KCNJ6: variants seen among roughly 807,000 people sequenced by gnomAD.
KCNJ6 encodes the protein G protein-activated inward rectifier potassium channel 2.
Under a neutral mutation model 34.2 loss-of-function variants are expected in KCNJ6, and 9 were observed. The ratio of observed to expected loss-of-function variants is 0.26; its 90% CI spans 0.16 to 0.46. The LOEUF (loss-of-function observed/expected upper bound fraction) is 0.46. KCNJ6 is among the 20% of genes least tolerant of loss of function. The probability of loss-of-function intolerance (pLI) is 1.00; values close to 1 mark genes in which losing one functional copy is unlikely to be tolerated. For missense variants in KCNJ6, 236 were observed against 531.3 expected, an observed-to-expected ratio of 0.44 and a Z score of 5.46; for synonymous variants, 196 against 207.1, an observed-to-expected ratio of 0.95 and a Z score of 0.46.
At chr21:37,657,526 A>G (rs1318634158) in intron 3 of KCNJ6, among the ~76,000 whole-genome samples, 1 of 152,116 alleles carries the variant, frequency 6.6e-6, no homozygotes, top group Non-Finnish European at 1.5e-5. Context: ...GCTCTTCCTT[A>G]GTAGCACAAG....
In KCNJ6 at chr21:37,840,709, C is replaced by A; in HGVS notation, c.-27G>T. The stretch of plus-strand genomic sequence containing the variant: ...GTTGCAGTTTCTTCTTTGTGCTTTT[C>A]CTGGAGGTGAGAAGAAAAGACAATT... On this transcript the variant is annotated splice_region_variant and 5_prime_UTR_variant, in exon 2 of 4. Coordinates refer to ENST00000609713, the MANE Select transcript of KCNJ6 (RefSeq NM_002240.5). 6.4e-7 allele frequency: 1 copy of A among 1,567,874 alleles called. No individual in the cohort carries two copies. Among genetic ancestry groups the A allele is most frequent in the South Asian group, 1.1e-5 (1 of 88,606 alleles).
intron 2 of KCNJ6, among the ~76,000 whole-genome samples, chr21:37,810,615 T>G (rs2055317936): frequency 6.6e-6 from 1 of 152,248 alleles, no homozygotes; most frequent in Non-Finnish European, 1.5e-5. Flanking sequence ...TGATTTCACT[T>G]GTATTTCTTC....
At position 37,623,200 on chromosome 21, in the gene KCNJ6, C is replaced by T. The variant is rs2123359457; in HGVS notation, c.*1959G>A. 2 of 152,356 alleles carry T rather than the reference C, an allele frequency of 1.3e-5. No individual in the cohort carries two copies. Among genetic ancestry groups the T allele is most frequent in the South Asian group, 4.1e-4 (2 of 4,824 alleles). 9.4% of individuals were successfully genotyped at this position (152,356 alleles called of 1,614,324 possible). On this transcript the variant is annotated 3_prime_UTR_variant, in exon 4 of 4. Transcript: ENST00000609713. The stretch of plus-strand genomic sequence containing the variant: ...AGGCAGTTGTCCTGATCCAAGGTCT[C>T]TGAGATGGGAGAAGAGAGGCCCCGA...
intron 2 of KCNJ6, among the ~76,000 whole-genome samples, chr21:37,830,186 C>A (rs1156263054): frequency 6.6e-6 from 1 of 152,208 alleles, no homozygotes; most frequent in African/African-American, 2.4e-5. Context: ...ATTGTCTCCA[C>A]AGTCAGGTGG....
At chr21:37,876,473 C>T (rs559147524) in intron 1 of KCNJ6, among the ~76,000 whole-genome samples, 1 of 152,068 alleles carries the variant, frequency 6.6e-6, no homozygotes, top group Admixed American at 6.6e-5. Context: ...TTTGCATCAT[C>T]ATAGTCATTA....
chr21:37,689,453 G>A (rs2054629873), intron 3 of KCNJ6, among the ~76,000 whole-genome samples: 1 of 152,088 alleles, frequency 6.6e-6, no homozygotes, highest in Admixed American at 6.6e-5. Context: ...GGGGCTCACT[G>A]TTCTCATCCT....
At chr21:37,762,794 A>C (rs1439180034) in intron 2 of KCNJ6, among the ~76,000 whole-genome samples, 2 of 152,092 alleles carry the variant, frequency 1.3e-5, no homozygotes, top group Non-Finnish European at 2.9e-5. Context: ...GGTTTTAAAG[A>C]TTCCAGTGCC....
At chr21:37,824,535 A>G (rs1276535826) in intron 2 of KCNJ6, among the ~76,000 whole-genome samples, 3 of 152,042 alleles carry the variant, frequency 2.0e-5, no homozygotes, top group African/African-American at 4.8e-5. Context: ...CCCCACTCCA[A>G]TCTCATCTGG....
At chr21:37,780,053 G>T (rs2055161738) in intron 2 of KCNJ6, among the ~76,000 whole-genome samples, 1 of 152,092 alleles carries the variant, frequency 6.6e-6, no homozygotes. Context: ...ATTTGAGGTT[G>T]GGAGAGAAAG....
chr21:37,661,613 A>AATTCTT (rs1324340711), intron 3 of KCNJ6, among the ~76,000 whole-genome samples: 1 of 47,270 alleles, frequency 2.1e-5, no homozygotes, highest in Non-Finnish European at 4.5e-5. Flanking sequence ...TAAGAGACAT[A>AATTCTT]GTTTTTTTTT....
chr21:37,882,220 G>T (rs2055712490), intron 1 of KCNJ6, among the ~76,000 whole-genome samples: 1 of 152,130 alleles, frequency 6.6e-6, no homozygotes, highest in Non-Finnish European at 1.5e-5. Context: ...TGTTTCCAAA[G>T]CAGTGTGAGC....
chr21:37,737,164 C>T (rs1430195271), intron 2 of KCNJ6, among the ~76,000 whole-genome samples: 1 of 152,136 alleles, frequency 6.6e-6, no homozygotes, highest in Non-Finnish European at 1.5e-5. Flanking sequence ...TGCATCAGTG[C>T]CCGATGGCAA....
Position 37,732,446 on chromosome 21 carries a change from C to T in KCNJ6, c.26-17315G>A, listed in dbSNP as rs75230719. Among the ~76,000 whole-genome samples, 336 of 152,308 alleles carry T rather than the reference C, an allele frequency of 2.2e-3. 1 individual carries two copies. Among genetic ancestry groups the T allele is most frequent in the Non-Finnish European group, 3.3e-3 (223 of 68,024 alleles). On this transcript the variant is annotated intron_variant, in intron 2 of 3. Transcript: ENST00000609713. Reference sequence around the variant, plus strand: ...TTCCCACTCCAGTTAAGACACAAGTCGCCCTCTCTTAGATTCCAGAATTGT... The same window carrying T: ...TTCCCACTCCAGTTAAGACACAAGTTGCCCTCTCTTAGATTCCAGAATTGT...
At chr21:37,758,202 G>A (rs2055041012) in intron 2 of KCNJ6, among the ~76,000 whole-genome samples, 2 of 151,570 alleles carry the variant, frequency 1.3e-5, no homozygotes, top group Non-Finnish European at 2.9e-5. Context: ...TCACCACGGA[G>A]GTGGGTGTCT....
chr21:37,672,813 A>G (rs1448806033), intron 3 of KCNJ6, among the ~76,000 whole-genome samples: 3 of 151,170 alleles, frequency 2.0e-5, no homozygotes, highest in South Asian at 2.1e-4. Flanking sequence ...GGATCTGGCT[A>G]TGTGGCTAAG....
At chr21:37,630,159 GTGT>G (rs1311275339) in intron 3 of KCNJ6, among the ~76,000 whole-genome samples, 1 of 52,212 alleles carries the variant, frequency 1.9e-5, no homozygotes, top group East Asian at 7.0e-4. Flanking sequence ...TGTGTGTGTG[GTGT>G]TTATGTTCCA....
chr21:37,687,630 T>C (rs2123424919), intron 3 of KCNJ6, among the ~76,000 whole-genome samples: 1 of 152,348 alleles, frequency 6.6e-6, no homozygotes, highest in South Asian at 2.1e-4. Flanking sequence ...CTTGTTGCTC[T>C]CAATGTGCCT....
chr21:37,649,963 C>G (rs1263599461), intron 3 of KCNJ6, among the ~76,000 whole-genome samples: 1 of 150,550 alleles, frequency 6.6e-6, no homozygotes, highest in Non-Finnish European at 1.5e-5. Flanking sequence ...CGGGGCTTCA[C>G]CATGTTAGCC....
At chr21:37,688,110 C>T (rs907819192) in intron 3 of KCNJ6, among the ~76,000 whole-genome samples, 2 of 149,848 alleles carry the variant, frequency 1.3e-5, no homozygotes, top group Non-Finnish European at 3.0e-5. Flanking sequence ...AAGAGCTTGG[C>T]AGACAGGTGT....
Sources: gnomAD v4.1 joint callset for allele counts (sites outside exome capture counted in the v4.1 genomes callset) on GRCh38, gnomAD v4.1.1 for gene constraint, MANE v1.5 for transcripts, NCBI Gene and HGNC (gene_info 2026-07-23, HGNC 2026-07-21) for gene names.